The following SEC31A variants were observed in gnomAD, a reference collection of about 807,000 sequenced individuals.
SEC31A encodes the protein protein transport protein Sec31A.
SEC31A carries 70 observed loss-of-function variants against 151.0 expected under a neutral mutation model. The observed-to-expected ratio is 0.46, with a 90% CI of 0.38 to 0.57. The LOEUF is 0.57. Ranked by LOEUF, SEC31A falls within the 20% of genes least tolerant of loss-of-function variation. SEC31A has a pLI of 0.00. For synonymous variants in SEC31A, 475 were observed against 505.9 expected (o/e 0.94, Z 0.82); for missense variants, 1,330 against 1,471.2 (o/e 0.90, Z 1.57).
rs7658703 is a variant in SEC31A, at chr4:82,857,686, T to C, written c.1702+3A>G. ...TTAGAAATCAAAACCAACAAGTACT[T>C]ACCCCCACTGACAGAGATATTAAAT... On this transcript the variant is annotated splice_donor_region_variant and intron_variant, in intron 15 of 26. Transcript: ENST00000395310. 0.22 allele frequency: 341,804 copies of C among 1,540,712 alleles called. 42,753 individuals carry two copies. The highest frequency in any genetic ancestry group is 0.46 in the East Asian group (20,486 of 44,268).
chr4:82,838,284 T>C (rs941507459), intron 22 of SEC31A, among the ~76,000 whole-genome samples: 32 of 152,206 alleles, frequency 2.1e-4, no homozygotes, highest in African/African-American at 5.5e-4. Flanking sequence ...CAAGATTATA[T>C]ACATAAATTA....
chr4:82,894,599 C>T (rs1168424271), upstream of SEC31A: 1 of 152,228 alleles, frequency 6.6e-6, no homozygotes, highest in Non-Finnish European at 1.5e-5. Flanking sequence ...TGATCTGCCA[C>T]TGTGGGCTTC....
intron 1 of SEC31A, among the ~76,000 whole-genome samples, chr4:82,890,443 T>A (rs998249745): frequency 4.6e-5 from 7 of 152,174 alleles, no homozygotes; most frequent in African/African-American, 1.7e-4. Context: ...TAAAATTAAT[T>A]CCTTAAGCGC....
At position 82,842,457 on chromosome 4, in the gene SEC31A, G is replaced by A. The variant is rs889981605; in HGVS notation, c.2651C>T (p.Pro884Leu). 9 of 1,612,698 alleles carry A rather than the reference G, an allele frequency of 5.6e-6. No homozygotes were observed. The highest frequency in any genetic ancestry group is 7.6e-6 in the Non-Finnish European group (9 of 1,179,460). Residue 884 changes from proline to leucine, a missense_variant, in exon 22 of 27, where the codon CCC (proline) becomes CTC (leucine). Transcript: ENST00000395310. The stretch of plus-strand genomic sequence containing the variant: ...CATTGCTGACCCCCCTGTTCCGAAG[G>A]GATACGGCTGGGCTGGTTGATAAGC... ...PQPYQPAQPY[P>L]FGTGGSAMYR...
At position 82,824,536 on chromosome 4, in the gene SEC31A, TA is replaced by T. The variant is rs761106125; in HGVS notation, c.3411+18del. ...TCTTCTAATTAAGCAAAATATGATT[TA>T]AAAAAATAAATACATACAGGGTCTG... On this transcript the variant is annotated intron_variant, in intron 25 of 26. Transcript: ENST00000395310. 8 of 1,606,176 alleles carry T rather than the reference TA, an allele frequency of 5.0e-6. No homozygotes were observed. Among genetic ancestry groups the T allele is most frequent in the Non-Finnish European group, 6.8e-6 (8 of 1,177,716 alleles).
chr4:82,897,442 C>T (rs1720110835), intron 3 of SEC31A, among the ~76,000 whole-genome samples: 1 of 152,086 alleles, frequency 6.6e-6, no homozygotes, highest in African/African-American at 2.4e-5. Flanking sequence ...CCCTAGAAAG[C>T]AAGAAGTCTA....
intron 1 of SEC31A, among the ~76,000 whole-genome samples, chr4:82,888,385 C>CGCGT (rs1741372721): frequency 1.6e-5 from 2 of 122,438 alleles, no homozygotes; most frequent in African/African-American, 6.7e-5. Flanking sequence ...ACACAAAAAA[C>CGCGT]ATATATATAT....
At chr4:82,897,034 G>A (rs745696785) in intron 3 of SEC31A, among the ~76,000 whole-genome samples, 32 of 152,110 alleles carry the variant, frequency 2.1e-4, no homozygotes, top group African/African-American at 5.6e-4. Flanking sequence ...ACACTAATTC[G>A]TGCCTGAGAT....
chr4:82,883,573 T>C (rs1435744389), intron 1 of SEC31A, among the ~76,000 whole-genome samples: 1 of 152,184 alleles, frequency 6.6e-6, no homozygotes, highest in East Asian at 1.9e-4. Flanking sequence ...CTCAGGCCTG[T>C]AAGCCCAGCA....
chr4:82,870,981 A>T (rs1263887680), intron 7 of SEC31A, among the ~76,000 whole-genome samples: 1 of 152,128 alleles, frequency 6.6e-6, no homozygotes, highest in Non-Finnish European at 1.5e-5. Context: ...CCACGAGTTC[A>T]AGACCAACCT....
Position 82,861,092 on chromosome 4 carries a change from A to C in SEC31A, c.1626+539T>G, listed in dbSNP as rs540743912. On this transcript the variant is annotated intron_variant, in intron 14 of 26. Transcript: ENST00000395310. ...GTTAAAAAAAAAAAAACACCCAGAA[A>C]ATTAAAAGGAAAAATTAATGATGTA... Among the ~76,000 whole-genome samples, 18 of 151,848 alleles carry C rather than the reference A, an allele frequency of 1.2e-4. No homozygotes were observed. In the South Asian group the frequency reaches 3.5e-3, roughly 30 times the overall value.
chr4:82,886,744 T>C (rs537064453), intron 1 of SEC31A, among the ~76,000 whole-genome samples: 71 of 152,354 alleles, frequency 4.7e-4, no homozygotes, highest in African/African-American at 7.2e-4. Context: ...AAGTTTGTAC[T>C]TGTCAATACT....
intron 19 of SEC31A, among the ~76,000 whole-genome samples, chr4:82,850,933 G>A (rs528575829): frequency 6.6e-6 from 1 of 152,258 alleles, no homozygotes; most frequent in East Asian, 1.9e-4. Context: ...AATCTAATTA[G>A]TTCCCTCTGC....
chr4:82,846,366 C>CATCATAATAATAATA lies in SEC31A; in HGVS notation c.2503-1858_2503-1857insTATTATTATTATGAT, dbSNP rs1553928443. Among the ~76,000 whole-genome samples, 619 of 140,532 alleles carry CATCATAATAATAATA rather than the reference C, an allele frequency of 4.4e-3. 5 individuals carry two copies. The highest frequency in any genetic ancestry group is 0.015 in the African/African-American group (571 of 38,382). 92.2% of individuals were successfully genotyped at this position (140,532 alleles called of 152,430 possible). A position where few individuals can be genotyped will look rare whatever the true frequency, so the allele number is the denominator to read the frequency against. ...GTAAATCTTTGCAGAAACTCCAAAA[C>CATCATAATAATAATA]ATAATAATAATAATAATAATAATAA... On this transcript the variant is annotated intron_variant, in intron 20 of 26. Coordinates refer to ENST00000395310, the MANE Select transcript of SEC31A (RefSeq NM_001077207.4).
At chr4:82,857,596 G>A in intron 15 of SEC31A, 93 bp downstream of exon 15, 1 of 827,170 alleles carries the variant, frequency 1.2e-6, no homozygotes, top group East Asian at 2.5e-5. Flanking sequence ...ATGCACCACA[G>A]CACCTGACTT....
In SEC31A at chr4:82,878,886, T is replaced by G. The variant is rs1242364945; in HGVS notation, c.246A>C (p.Lys82Asn). The G allele has an allele frequency of 6.2e-7, 1 of 1,614,002 alleles. No homozygotes were observed. Among genetic ancestry groups the G allele is most frequent in the Admixed American group, 1.7e-5 (1 of 60,006 alleles). ...CAATCAGAACTCCAGAGACATCTCC[T>G]TTGGAATCCATTTTATAAGGCCCCC... Reference protein sequence around the residue: ...LIWGPYKMDSKGDVSGVLIAG... With the variant: ...LIWGPYKMDSNGDVSGVLIAG... Residue 82 changes from lysine to asparagine, a missense_variant, in exon 4 of 27, where the codon AAA (lysine) becomes AAC (asparagine). By Grantham distance (94) the Lys-to-Asn change is moderately conservative. Transcript: ENST00000395310.
intron 17 of SEC31A, 148 bp from the exon 18 acceptor site, chr4:82,853,863 G>T: frequency 1.9e-6 from 1 of 522,838 alleles, no homozygotes; most frequent in Non-Finnish European, 3.3e-6. Context: ...TAAATGCTCA[G>T]TAAATATGCA....
intron 6 of SEC31A, among the ~76,000 whole-genome samples, chr4:82,872,519 A>T (rs1402928692): frequency 6.6e-6 from 1 of 151,906 alleles, no homozygotes; most frequent in African/African-American, 2.4e-5. Flanking sequence ...AAACAAAAAC[A>T]AATGTAAAAC....
chr4:82,824,502 G>C, intron 25 of SEC31A, 53 bp downstream of exon 25: 1 of 1,588,512 alleles, frequency 6.3e-7, no homozygotes, highest in Non-Finnish European at 8.6e-7. Flanking sequence ...ACCACACCTG[G>C]CCAAGGATTC....
Sources: allele counts gnomAD v4.1 joint callset (sites outside exome capture counted in the v4.1 genomes callset), GRCh38; gene constraint gnomAD v4.1.1; transcripts MANE v1.5; gene names NCBI Gene and HGNC (gene_info 2026-07-23, HGNC 2026-07-21).